SGPP2: variants seen among roughly 807,000 people sequenced by gnomAD.
SGPP2 encodes sphingosine 1-phosphate phosphohydrolase 2.
Under a neutral mutation model 33.9 loss-of-function variants are expected in SGPP2, and 30 were observed. That is an observed-to-expected ratio of 0.89 (90% CI 0.66 to 1.20). SGPP2 has a LOEUF of 1.20. Among genes scored for constraint, SGPP2 ranks in the 50% most tolerant of loss-of-function variants. The pLI, the probability that SGPP2 is intolerant of heterozygous loss-of-function variation, is 0.00. For synonymous variants in SGPP2, 233 were observed against 225.0 expected, an observed-to-expected ratio of 1.04 and a Z score of -0.32; for missense variants, 458 against 532.1, an observed-to-expected ratio of 0.86 and a Z score of 1.37.
intron 2 of SGPP2, among the ~76,000 whole-genome samples, chr2:222,481,613 C>T (rs956913009): frequency 3.3e-5 from 5 of 152,122 alleles, no homozygotes; most frequent in Non-Finnish European, 7.4e-5. Context: ...AGGCACAGAC[C>T]TCACCATTCC....
At chr2:222,517,025 A>G (rs1698613735) in intron 2 of SGPP2, among the ~76,000 whole-genome samples, 1 of 152,078 alleles carries the variant, frequency 6.6e-6, no homozygotes, top group Non-Finnish European at 1.5e-5. Context: ...CTAACCTCCT[A>G]GGAGCTCCCA....
chr2:222,502,728 T>G (rs978149685), intron 2 of SGPP2, among the ~76,000 whole-genome samples: 1 of 152,230 alleles, frequency 6.6e-6, no homozygotes, highest in Non-Finnish European at 1.5e-5. Flanking sequence ...AGCAGCTGCT[T>G]ATTATCAATA....
intron 1 of SGPP2, among the ~76,000 whole-genome samples, chr2:222,425,152 G>T (rs1697043810): frequency 6.6e-6 from 1 of 152,328 alleles, no homozygotes; most frequent in South Asian, 2.1e-4. Context: ...GGAGGAGCGG[G>T]GATGTCCTTG....
chr2:222,460,419 C>T lies in SGPP2; in HGVS notation c.220-14149C>T, dbSNP rs898525422. On this transcript the variant is annotated intron_variant, in intron 1 of 4. Coordinates refer to ENST00000321276, the MANE Select transcript of SGPP2 (RefSeq NM_152386.4). The surrounding 1 kb of genome is among the most constrained non-coding windows in gnomAD (Gnocchi z 4.3). ...GTTGTGTATAAAACCCCTGAGAACACGACATAAGCGGTTGAGCTTCATGGC... is the reference window on the plus strand; with the variant it reads ...GTTGTGTATAAAACCCCTGAGAACATGACATAAGCGGTTGAGCTTCATGGC... 5.3e-5 allele frequency among the ~76,000 whole-genome samples: 8 copies of T among 152,110 alleles called. No individual in the cohort carries two copies. Among genetic ancestry groups the T allele is most frequent in the Admixed American group, 3.9e-4 (6 of 15,276 alleles).
chr2:222,482,072 A>C (rs921598573), intron 2 of SGPP2, among the ~76,000 whole-genome samples: 1 of 152,076 alleles, frequency 6.6e-6, no homozygotes, highest in African/African-American at 2.4e-5. Flanking sequence ...CCTGTGTGAG[A>C]AGAGGGTGGG....
chr2:222,467,384 C>T (rs1218682420), intron 1 of SGPP2, among the ~76,000 whole-genome samples: 1 of 152,220 alleles, frequency 6.6e-6, no homozygotes, highest in East Asian at 1.9e-4. Context: ...TCTGAGTACC[C>T]TGCACACACC....
At chr2:222,473,071 T>C (rs1224714766) in intron 1 of SGPP2, among the ~76,000 whole-genome samples, 1 of 152,056 alleles carries the variant, frequency 6.6e-6, no homozygotes, top group African/African-American at 2.4e-5. Context: ...ACTGAATTCC[T>C]CCCATGGGTA....
intron 1 of SGPP2, among the ~76,000 whole-genome samples, chr2:222,461,925 C>T (rs1026674972): frequency 6.6e-6 from 1 of 152,124 alleles, no homozygotes; most frequent in Non-Finnish European, 1.5e-5. Flanking sequence ...TGTGTACAAA[C>T]CCCTGTGACT....
chr2:222,556,046 T>C (rs1211879578), intron 4 of SGPP2, among the ~76,000 whole-genome samples: 4 of 152,184 alleles, frequency 2.6e-5, no homozygotes, highest in Non-Finnish European at 5.9e-5. Context: ...AGGGGAAATA[T>C]GGGGCTGTTG....
Position 222,508,014 on chromosome 2 carries a change from C to T in SGPP2, c.379-13753C>T, listed in dbSNP as rs530704533. Among the ~76,000 whole-genome samples, 3 of 152,274 alleles carry T rather than the reference C, an allele frequency of 2.0e-5. No homozygotes were observed. The South Asian group carries it at 6.2e-4, about 32-fold the overall frequency. ...GCTCTACATTTCCTAGGACTGAAGA[C>T]ACTCGTTCCCTCAGTGGGAGTCATT... is the stretch of plus-strand genomic sequence containing the variant. On this transcript the variant is annotated intron_variant, in intron 2 of 4. Transcript: ENST00000321276.
chr2:222,434,354 A>G (rs747801500), intron 1 of SGPP2, among the ~76,000 whole-genome samples: 1 of 152,228 alleles, frequency 6.6e-6, no homozygotes, highest in Admixed American at 6.5e-5. Flanking sequence ...CTCAGCACGT[A>G]GGTGTGTGAC....
intron 2 of SGPP2, among the ~76,000 whole-genome samples, chr2:222,475,569 T>C (rs1294900316): frequency 6.6e-6 from 1 of 152,130 alleles, no homozygotes; most frequent in East Asian, 1.9e-4. Context: ...CCAAAACACA[T>C]AAGGCAAAGC....
intron 2 of SGPP2, among the ~76,000 whole-genome samples, chr2:222,488,237 CAG>C (rs1553537591): frequency 1.3e-5 from 2 of 152,198 alleles, no homozygotes; most frequent in African/African-American, 2.4e-5. Flanking sequence ...TCCTTAGGGA[CAG>C]GGGTCCCCTA....
At chr2:222,431,650 C>T (rs1697158672) in intron 1 of SGPP2, among the ~76,000 whole-genome samples, 1 of 152,156 alleles carries the variant, frequency 6.6e-6, no homozygotes, top group Admixed American at 6.5e-5. Context: ...AAAGCAAGAA[C>T]AGGGAATAGG....
chr2:222,528,661 G>T (rs1171010482), intron 4 of SGPP2, among the ~76,000 whole-genome samples: 3 of 152,102 alleles, frequency 2.0e-5, no homozygotes, highest in Non-Finnish European at 4.4e-5. Context: ...CTGTCACCTG[G>T]GCTGGAGTGC....
chr2:222,486,620 G>A (rs748253491), intron 2 of SGPP2, among the ~76,000 whole-genome samples: 1 of 152,134 alleles, frequency 6.6e-6, no homozygotes, highest in Admixed American at 6.6e-5. Context: ...TGCTAGATGC[G>A]GGGTTGTGGC....
rs749337921 is a variant in SGPP2, at chr2:222,424,723, C to G, written c.121C>G (p.Arg41Gly). 2.1e-6 allele frequency: 3 copies of G among 1,437,258 alleles called. No homozygotes were observed. The highest frequency in any genetic ancestry group is 3.0e-5 in the African/African-American group (2 of 67,542). 89.0% of individuals were successfully genotyped at this position (1,437,258 alleles called of 1,614,324 possible). A position where few individuals can be genotyped will look rare whatever the true frequency, so the allele number is the denominator to read the frequency against. The stretch of plus-strand genomic sequence containing the variant: ...GGAGAACGGCGCGGACCCCACGGAG[C>G]GCGCGGCGCGGGTCCCCGGGGTCGA... The part of the protein sequence containing the change: ...PRENGADPTE[R>G]AARVPGVEHL... The change falls in exon 1 of 5, where the codon CGC (arginine) becomes GGC (glycine). Residue 41 changes from arginine (R) to glycine (G), a missense_variant. Coordinates refer to ENST00000321276, the MANE Select transcript of SGPP2 (RefSeq NM_152386.4).
intron 4 of SGPP2, among the ~76,000 whole-genome samples, chr2:222,535,310 G>A (rs964836641): frequency 4.7e-5 from 7 of 147,974 alleles, no homozygotes; most frequent in South Asian, 2.2e-4. Flanking sequence ...CCTGGGAGGC[G>A]GAGGTTACAG....
At position 222,478,031 on chromosome 2, in the gene SGPP2, A is replaced by G. The variant is rs554019142; in HGVS notation, c.378+3305A>G. Reference sequence around the variant, plus strand: ...GGTTCACCAGTCCCCCTGTGCTGAGAGTTCTGTAGTTATTCTGTGTGGTCA... The same window carrying G: ...GGTTCACCAGTCCCCCTGTGCTGAGGGTTCTGTAGTTATTCTGTGTGGTCA... On this transcript the variant is annotated intron_variant, in intron 2 of 4. Coordinates refer to ENST00000321276, the MANE Select transcript of SGPP2 (RefSeq NM_152386.4). Among the ~76,000 whole-genome samples, 16 of 152,140 alleles carry G rather than the reference A, an allele frequency of 1.1e-4. 1 individual carries two copies. The South Asian group carries it at 3.3e-3, about 32-fold the overall frequency.
Sources: gnomAD v4.1 joint callset for allele counts (sites outside exome capture counted in the v4.1 genomes callset) on GRCh38, gnomAD v4.1.1 for gene constraint, Gnocchi (gnomAD v3.1) non-coding constraint, MANE v1.5 for transcripts, NCBI Gene and HGNC (gene_info 2026-07-23, HGNC 2026-07-21) for gene names.